Variants in SERGEF observed in about 807,000 individuals in gnomAD.
The protein encoded by SERGEF is secretion-regulating guanine nucleotide exchange factor.
A neutral mutation model predicts 50.0 loss-of-function variants in SERGEF; 51 were observed. That is an observed-to-expected ratio of 1.02 (90% CI 0.81 to 1.29). SERGEF has a LOEUF of 1.29. Among genes scored for constraint, SERGEF ranks in the 50% most tolerant of loss-of-function variants. SERGEF has a pLI of 0.00. For synonymous variants in SERGEF, 205 were observed against 212.4 expected (o/e 0.97, Z 0.30); for missense variants, 521 against 557.0 (o/e 0.94, Z 0.65).
At chr11:17,862,271 G>A (rs1231137093) in intron 10 of SERGEF, among the ~76,000 whole-genome samples, 1 of 152,186 alleles carries the variant, frequency 6.6e-6, no homozygotes, top group East Asian at 1.9e-4. Context: ...CCCATGTTAG[G>A]ATGAAGGTGT....
chr11:17,870,395 GA>G (rs1346662019), intron 10 of SERGEF, among the ~76,000 whole-genome samples: 1 of 152,200 alleles, frequency 6.6e-6, no homozygotes, highest in Non-Finnish European at 1.5e-5. Context: ...TGCAGTAGGA[GA>G]AAGACTTGAA....
chr11:17,832,484 T>C (rs1313633215), intron 10 of SERGEF, among the ~76,000 whole-genome samples: 2 of 152,136 alleles, frequency 1.3e-5, no homozygotes, highest in Non-Finnish European at 2.9e-5. Context: ...GAAAATGGAC[T>C]AATACAGTAA....
intron 10 of SERGEF, among the ~76,000 whole-genome samples, chr11:17,824,478 T>TG (rs1024462513): frequency 7.2e-5 from 11 of 152,288 alleles, no homozygotes; most frequent in Admixed American, 1.3e-4. Context: ...ATAGCAATCT[T>TG]GTGGGGGGAT....
At chr11:17,974,254 C>A (rs1316070422) in intron 8 of SERGEF, among the ~76,000 whole-genome samples, 1 of 152,228 alleles carries the variant, frequency 6.6e-6, no homozygotes, top group Admixed American at 6.5e-5. Flanking sequence ...CTGCCAAGAA[C>A]CTCCAAGTCA....
At chr11:17,908,219 T>C (rs1387807806) in intron 9 of SERGEF, among the ~76,000 whole-genome samples, 2 of 152,204 alleles carry the variant, frequency 1.3e-5, no homozygotes, top group African/African-American at 4.8e-5. Context: ...AGGAGTCCTA[T>C]ACAATCTGGT....
At chr11:17,959,379 T>G in intron 9 of SERGEF, 91 bp downstream of exon 9, 1 of 1,208,076 alleles carries the variant, frequency 8.3e-7, no homozygotes, top group Non-Finnish European at 1.2e-6. Flanking sequence ...TACCTATCCA[T>G]AACGCCTGGC....
intron 10 of SERGEF, among the ~76,000 whole-genome samples, chr11:17,796,660 A>G (rs1180819201): frequency 2.0e-5 from 3 of 152,204 alleles, no homozygotes; most frequent in Non-Finnish European, 4.4e-5. Context: ...TAAATTACCC[A>G]GTCTGTGGTA....
intron 8 of SERGEF, among the ~76,000 whole-genome samples, chr11:17,984,892 T>C: frequency 6.6e-6 from 1 of 152,226 alleles, no homozygotes; most frequent in East Asian, 1.9e-4. Flanking sequence ...AAACAGACAC[T>C]GCTCTCATGT....
intron 10 of SERGEF, among the ~76,000 whole-genome samples, chr11:17,820,510 T>C (rs1195846386): frequency 2.0e-5 from 3 of 152,150 alleles, no homozygotes; most frequent in Non-Finnish European, 4.4e-5. Context: ...TACTTCCTTT[T>C]TGAATTACCT....
intron 9 of SERGEF, among the ~76,000 whole-genome samples, chr11:17,890,416 A>C (rs12295674): frequency 0.04 from 6,092 of 152,286 alleles, 170 homozygotes; most frequent in Admixed American, 0.07. Flanking sequence ...GCAGACAGAG[A>C]AACAGAAATA....
intron 8 of SERGEF, among the ~76,000 whole-genome samples, chr11:17,966,422 T>C (rs2133977365): frequency 6.6e-6 from 1 of 152,196 alleles, no homozygotes; most frequent in Admixed American, 6.5e-5. Flanking sequence ...AGGCACCCAG[T>C]TTTCCCATCT....
rs1852130687 is a variant in SERGEF at position 17,920,307 on chromosome 11, T to C, written c.1011+39163A>G. 2.6e-5 allele frequency among the ~76,000 whole-genome samples: 4 copies of C among 152,150 alleles called. No individual in the cohort carries two copies. The South Asian group carries it at 6.2e-4, about 24-fold the overall frequency. ...TTTCCCCAGAACTCCTAAAATCCCT[T>C]ACCCTGCTCTCACTTTTTTCTTCTT... On this transcript the variant is annotated intron_variant, in intron 9 of 10. Transcript: ENST00000265965.
chr11:17,865,996 C>T (rs1339986838), intron 10 of SERGEF, among the ~76,000 whole-genome samples: 3 of 152,214 alleles, frequency 2.0e-5, no homozygotes, highest in Admixed American at 2.0e-4. Context: ...ACAGATGTAT[C>T]ATCTTTAATC....
chr11:17,809,269 C>T (rs1329720002), intron 10 of SERGEF, among the ~76,000 whole-genome samples: 2 of 152,028 alleles, frequency 1.3e-5, no homozygotes, highest in Non-Finnish European at 2.9e-5. Flanking sequence ...TGGAAGAAGA[C>T]GTGGTGCAAA....
chr11:18,012,582 A>T, intron 1 of SERGEF: 1 of 1,174,018 alleles, frequency 8.5e-7, no homozygotes, highest in Non-Finnish European at 1.1e-6. Context: ...AGGTGGCCCC[A>T]CGGAGCTCTG....
chr11:18,001,393 G>T (rs1327466862), intron 4 of SERGEF, among the ~76,000 whole-genome samples: 1 of 152,150 alleles, frequency 6.6e-6, no homozygotes, highest in Admixed American at 6.5e-5. Context: ...AGGCACTAAG[G>T]CTTCCTGCTT....
intron 10 of SERGEF, among the ~76,000 whole-genome samples, chr11:17,849,038 T>C (rs1850667216): frequency 6.6e-6 from 1 of 152,234 alleles, no homozygotes; most frequent in African/African-American, 2.4e-5. Flanking sequence ...GATGAAATAA[T>C]ATCTATTCAC....
At chr11:17,813,404 G>T (rs1336295561) in intron 10 of SERGEF, among the ~76,000 whole-genome samples, 1 of 152,150 alleles carries the variant, frequency 6.6e-6, no homozygotes, top group Non-Finnish European at 1.5e-5. Context: ...CTAATTCTTG[G>T]TCCAGAGCTC....
chr11:17,971,196 AAAAAG>A (rs1436220554), intron 8 of SERGEF, among the ~76,000 whole-genome samples: 1 of 152,232 alleles, frequency 6.6e-6, no homozygotes, highest in Non-Finnish European at 1.5e-5. Flanking sequence ...TCCATCTAAA[AAAAAG>A]AAAAGAAAGA....
Sources: allele counts gnomAD v4.1 joint callset (sites outside exome capture counted in the v4.1 genomes callset), GRCh38; gene constraint gnomAD v4.1.1; transcripts MANE v1.5; gene names NCBI Gene and HGNC (gene_info 2026-07-23, HGNC 2026-07-21).